Variants in TRHDE observed in about 807,000 individuals in gnomAD.
The protein encoded by TRHDE is thyrotropin releasing hormone degrading enzyme.
A neutral mutation model predicts 125.7 loss-of-function variants in TRHDE; 72 were observed. That is an observed-to-expected ratio of 0.57 (90% CI 0.47 to 0.70). The LOEUF (loss-of-function observed/expected upper bound fraction) is 0.70, where lower values mean the gene tolerates loss of function less well. Among genes scored for constraint, TRHDE ranks in the 30% least tolerant of loss-of-function variants. The probability of loss-of-function intolerance (pLI) is 0.00; values close to 1 mark genes in which losing one functional copy is unlikely to be tolerated. For synonymous variants in TRHDE, 509 were observed against 509.1 expected (o/e 1.00, Z 0.00); for missense variants, 1,110 against 1,327.1 (o/e 0.84, Z 2.54).
chr12:72,634,507 T>C (rs1279361161), intron 15 of TRHDE, among the ~76,000 whole-genome samples: 1 of 151,984 alleles, frequency 6.6e-6, no homozygotes, highest in Non-Finnish European at 1.5e-5. Context: ...ATTGTTAATT[T>C]ATTATTATTA....
intron 2 of TRHDE, among the ~76,000 whole-genome samples, chr12:72,367,772 G>C (rs916115576): frequency 6.6e-6 from 1 of 152,132 alleles, no homozygotes; most frequent in African/African-American, 2.4e-5. Context: ...TTATTAAAGA[G>C]GGGGACTAGT....
intron 2 of TRHDE, among the ~76,000 whole-genome samples, chr12:72,144,624 A>G (rs184609019): frequency 6.6e-6 from 1 of 152,242 alleles, no homozygotes; most frequent in East Asian, 1.9e-4. Context: ...TTTTCCATGA[A>G]GTCCCTGGGC....
intron 2 of TRHDE, among the ~76,000 whole-genome samples, chr12:72,207,459 CAA>C (rs1052359720): frequency 4.6e-5 from 7 of 151,762 alleles, no homozygotes; most frequent in Non-Finnish European, 7.4e-5. Context: ...GAAAAAAGCA[CAA>C]AAAAATTGCA....
intron 3 of TRHDE, among the ~76,000 whole-genome samples, chr12:72,439,209 A>G (rs1433079870): frequency 2.0e-5 from 3 of 151,826 alleles, no homozygotes; most frequent in Non-Finnish European, 4.4e-5. Flanking sequence ...ATAGCTTTAT[A>G]GTATATTTTG....
At chr12:72,319,575 A>G (rs945282475) in intron 2 of TRHDE, among the ~76,000 whole-genome samples, 3 of 152,012 alleles carry the variant, frequency 2.0e-5, no homozygotes, top group Non-Finnish European at 2.9e-5. Context: ...ATCTTTCTCT[A>G]TCTTTCTCTA....
At chr12:72,187,952 A>G (rs993455356) in intron 2 of TRHDE, among the ~76,000 whole-genome samples, 1 of 152,224 alleles carries the variant, frequency 6.6e-6, no homozygotes, top group Non-Finnish European at 1.5e-5. Context: ...TACACATTAA[A>G]CCAAGGAAGT....
chr12:72,593,713 T>C (rs867007113), intron 12 of TRHDE, among the ~76,000 whole-genome samples: 26 of 152,026 alleles, frequency 1.7e-4, no homozygotes, highest in African/African-American at 6.3e-4. Flanking sequence ...CCCCACCCTG[T>C]GTCCATGTGT....
At chr12:72,142,546 G>C (rs1001444831) in intron 2 of TRHDE, among the ~76,000 whole-genome samples, 6 of 152,050 alleles carry the variant, frequency 3.9e-5, no homozygotes, top group African/African-American at 1.2e-4. Context: ...GGTAGAAGAG[G>C]GTGGCCCCCT....
chr12:72,593,870 A>G (rs1158325105), intron 12 of TRHDE, among the ~76,000 whole-genome samples: 1 of 152,190 alleles, frequency 6.6e-6, no homozygotes, highest in Non-Finnish European at 1.5e-5. Flanking sequence ...GCTGCATAGT[A>G]TTCCATGGTG....
chr12:72,280,451 G>A (rs537630196), intron 1 of TRHDE, among the ~76,000 whole-genome samples: 5 of 152,262 alleles, frequency 3.3e-5, no homozygotes, highest in Admixed American at 6.5e-5. Context: ...AATGGTCACC[G>A]TGGACATCCC....
chr12:72,432,913 C>A (rs10082992), intron 3 of TRHDE, among the ~76,000 whole-genome samples: 61,798 of 151,902 alleles, frequency 0.41, 15,632 homozygotes, highest in African/African-American at 0.71. Flanking sequence ...GAAAGCATTT[C>A]GTCTCTTACC....
At chr12:72,377,345 C>G (rs990496932) in intron 2 of TRHDE, among the ~76,000 whole-genome samples, 1 of 148,274 alleles carries the variant, frequency 6.7e-6, no homozygotes, top group Non-Finnish European at 1.5e-5. Context: ...ATATACAATG[C>G]TTGCTTTAAA....
At chr12:72,587,123 T>G (rs1871473941) in intron 12 of TRHDE, among the ~76,000 whole-genome samples, 1 of 152,206 alleles carries the variant, frequency 6.6e-6, no homozygotes, top group Admixed American at 6.5e-5. Context: ...CTTATCCTTT[T>G]TCAACTGATA....
At chr12:72,612,664 A>C (rs1872675462) in intron 12 of TRHDE, among the ~76,000 whole-genome samples, 1 of 152,208 alleles carries the variant, frequency 6.6e-6, no homozygotes, top group Non-Finnish European at 1.5e-5. Flanking sequence ...GACTGAAATA[A>C]ATTTAGACCG....
chr12:72,613,327 A>G (rs954514947), intron 12 of TRHDE, among the ~76,000 whole-genome samples: 5 of 152,166 alleles, frequency 3.3e-5, no homozygotes, highest in Non-Finnish European at 5.9e-5. Flanking sequence ...TATCTTCTAT[A>G]TGTGTTATCA....
chr12:72,358,751 T>A (rs1167392348), intron 2 of TRHDE, among the ~76,000 whole-genome samples: 1 of 151,598 alleles, frequency 6.6e-6, no homozygotes, highest in Non-Finnish European at 1.5e-5. Flanking sequence ...GACCTACCTC[T>A]GACAATCTTA....
intron 2 of TRHDE, among the ~76,000 whole-genome samples, chr12:72,294,482 G>A (rs1410385612): frequency 6.6e-6 from 1 of 152,158 alleles, no homozygotes; most frequent in Non-Finnish European, 1.5e-5. Flanking sequence ...CCCGTTGCTT[G>A]TGCAGCTTTC....
At chr12:72,261,580 C>A (rs892710289) in intron 2 of TRHDE, among the ~76,000 whole-genome samples, 1 of 152,044 alleles carries the variant, frequency 6.6e-6, no homozygotes, top group Non-Finnish European at 1.5e-5. Context: ...ATTTATTGTT[C>A]ATTAGTAAGC....
At chr12:72,441,663 T>G (rs987573075) in intron 3 of TRHDE, among the ~76,000 whole-genome samples, 2 of 151,878 alleles carry the variant, frequency 1.3e-5, no homozygotes, top group African/African-American at 4.8e-5. Context: ...AGAGAGCTGT[T>G]ATAGGTGTAT....
Sources: allele counts gnomAD v4.1 joint callset (sites outside exome capture counted in the v4.1 genomes callset), GRCh38; gene constraint gnomAD v4.1.1; transcripts MANE v1.5; gene names NCBI Gene and HGNC (gene_info 2026-07-23, HGNC 2026-07-21).